Variants in ARPP21 observed in about 807,000 individuals in gnomAD.
The protein encoded by ARPP21 is cAMP-regulated phosphoprotein 21.
ARPP21 carries 69 observed loss-of-function variants against 113.2 expected under a neutral mutation model. The observed-to-expected ratio is 0.61, with a 90% CI of 0.50 to 0.74. The LOEUF is 0.74. Among genes scored for constraint, ARPP21 ranks in the 30% least tolerant of loss-of-function variants. The pLI is 0.00. For missense variants in ARPP21, 1,070 were observed against 1,037.4 expected (o/e 1.03, Z -0.43); for synonymous variants, 368 against 375.5 (o/e 0.98, Z 0.23).
intron 16 of ARPP21, 82 bp downstream of exon 16, chr3:35,737,444 G>A (rs2094425772): frequency 1.1e-6 from 1 of 921,592 alleles, no homozygotes; most frequent in Non-Finnish European, 1.6e-6. Context: ...GAGAATCAGG[G>A]AGAAGCGTAT....
chr3:35,703,954 G>C (rs1280869607), intron 9 of ARPP21, among the ~76,000 whole-genome samples: 1 of 151,726 alleles, frequency 6.6e-6, no homozygotes, highest in African/African-American at 2.4e-5. Context: ...GTAATTTTTA[G>C]TTTAATCACT....
chr3:35,683,891 A>G (rs757658724), intron 5 of ARPP21, 76 bp downstream of exon 5: 1 of 984,626 alleles, frequency 1.0e-6, no homozygotes, highest in Non-Finnish European at 1.6e-6. Flanking sequence ...ATTTGGTGTT[A>G]AACAGTGTTT....
At chr3:35,761,519 G>A (rs1167546658) in intron 19 of ARPP21, among the ~76,000 whole-genome samples, 1 of 151,992 alleles carries the variant, frequency 6.6e-6, no homozygotes, top group Non-Finnish European at 1.5e-5. Flanking sequence ...CTATGGAGGT[G>A]ACCTGTTGCC....
At chr3:35,678,083 G>T (rs2149412932) in intron 1 of ARPP21, among the ~76,000 whole-genome samples, 1 of 152,008 alleles carries the variant, frequency 6.6e-6, no homozygotes, top group East Asian at 2.0e-4. Flanking sequence ...CATATATCCA[G>T]GCTGTCCCTG....
At chr3:35,757,805 CTTAT>C (rs2095627083) in intron 19 of ARPP21, among the ~76,000 whole-genome samples, 1 of 151,894 alleles carries the variant, frequency 6.6e-6, no homozygotes, top group Non-Finnish European at 1.5e-5. Context: ...ATCGCAATTT[CTTAT>C]TTATTTGGTA....
intron 1 of ARPP21, among the ~76,000 whole-genome samples, chr3:35,668,036 A>AAGAAGAAGG (rs1559551002): frequency 3.5e-4 from 51 of 143,698 alleles, no homozygotes; most frequent in African/African-American, 1.3e-3. Flanking sequence ...GAAGAAGGAG[A>AAGAAGAAGG]AGAAGAAGAA....
intron 1 of ARPP21, among the ~76,000 whole-genome samples, chr3:35,673,201 T>C (rs1039275442): frequency 2.0e-5 from 3 of 152,044 alleles, no homozygotes; most frequent in African/African-American, 7.2e-5. Flanking sequence ...AAGCTATGCT[T>C]AGGATGGCAG....
chr3:35,685,505 C>T (rs1426811987), intron 5 of ARPP21: 18 of 985,124 alleles, frequency 1.8e-5, no homozygotes, highest in East Asian at 1.1e-4. Flanking sequence ...TAGGTACCAC[C>T]GGCACTTACA....
At chr3:35,758,466 T>A (rs1191873078) in intron 19 of ARPP21, among the ~76,000 whole-genome samples, 2 of 151,998 alleles carry the variant, frequency 1.3e-5, no homozygotes, top group Non-Finnish European at 2.9e-5. Context: ...AATTTCCCAT[T>A]GTTAAAAATG....
intron 7 of ARPP21, among the ~76,000 whole-genome samples, chr3:35,689,845 T>G (rs1268318134): frequency 6.6e-6 from 1 of 151,562 alleles, no homozygotes; most frequent in African/African-American, 2.4e-5. Context: ...ACTACAAAAT[T>G]TAGATATTTC....
chr3:35,648,720 C>G (rs1253344238), intron 1 of ARPP21, among the ~76,000 whole-genome samples: 3 of 152,108 alleles, frequency 2.0e-5, no homozygotes, highest in African/African-American at 7.2e-5. Flanking sequence ...AAATTGAGAG[C>G]CACAGATAGT....
chr3:35,732,267 C>T (rs1485725356), intron 15 of ARPP21, among the ~76,000 whole-genome samples: 1 of 152,170 alleles, frequency 6.6e-6, no homozygotes, highest in African/African-American at 2.4e-5. Flanking sequence ...TGACTTGGCT[C>T]TTACTAAGTA....
At chr3:35,709,963 G>T (rs1040239874) in intron 11 of ARPP21, among the ~76,000 whole-genome samples, 2 of 152,168 alleles carry the variant, frequency 1.3e-5, no homozygotes, top group Non-Finnish European at 2.9e-5. Flanking sequence ...AGGCTTCAGT[G>T]CTTAGCTTGG....
At chr3:35,669,149 C>T (rs2149294035) in intron 1 of ARPP21, among the ~76,000 whole-genome samples, 1 of 152,220 alleles carries the variant, frequency 6.6e-6, no homozygotes, top group East Asian at 1.9e-4. Flanking sequence ...TTCCTTCCTT[C>T]CCTCCTTCTT....
At chr3:35,682,637 G>A (rs556366342) in intron 3 of ARPP21, among the ~76,000 whole-genome samples, 100 of 149,434 alleles carry the variant, frequency 6.7e-4, no homozygotes, top group Non-Finnish European at 1.2e-3. Context: ...ACAGAAAAGA[G>A]CTAAAAGTTA....
intron 17 of ARPP21, 63 bp from the exon 18 acceptor site, chr3:35,739,254 G>A (rs1242933923): frequency 6.4e-7 from 1 of 1,568,306 alleles, no homozygotes; most frequent in Non-Finnish European, 8.7e-7. Context: ...GTCTGCCTCA[G>A]AGTGCCTCTC....
chr3:35,680,801 T>C (rs2078676011), intron 2 of ARPP21: 1 of 151,912 alleles, frequency 6.6e-6, no homozygotes, highest in African/African-American at 2.4e-5. Context: ...TTTCTTCTTT[T>C]TTTTTCTTTC....
chr3:35,644,825 T>G (rs1215748665), intron 1 of ARPP21, among the ~76,000 whole-genome samples: 1 of 151,900 alleles, frequency 6.6e-6, no homozygotes, highest in Non-Finnish European at 1.5e-5. Context: ...CTGTCCATGG[T>G]CACAGTAGAT....
At chr3:35,748,815 C>G (rs1292821439) in intron 19 of ARPP21, among the ~76,000 whole-genome samples, 1 of 152,214 alleles carries the variant, frequency 6.6e-6, no homozygotes, top group Non-Finnish European at 1.5e-5. Context: ...ATTATCACAT[C>G]TCCCATTGAC....
Sources: gnomAD v4.1 joint callset for allele counts (sites outside exome capture counted in the v4.1 genomes callset) on GRCh38, gnomAD v4.1.1 for gene constraint, MANE v1.5 for transcripts, NCBI Gene and HGNC (gene_info 2026-07-23, HGNC 2026-07-21) for gene names.